KCNIP4: variants seen among roughly 807,000 people sequenced by gnomAD.
KCNIP4 encodes potassium voltage-gated channel interacting protein 4, also known as Kv channel-interacting protein 4.
KCNIP4 carries 12 observed loss-of-function variants against 34.0 expected under a neutral mutation model. The ratio of observed to expected loss-of-function variants is 0.35; its 90% CI spans 0.23 to 0.57. KCNIP4 has a LOEUF of 0.57. KCNIP4 is among the 20% of genes least tolerant of loss of function. The probability of loss-of-function intolerance (pLI) is 0.83; values close to 1 mark genes in which losing one functional copy is unlikely to be tolerated. For missense variants in KCNIP4, 238 were observed against 311.7 expected, an observed-to-expected ratio of 0.76 and a Z score of 1.78; for synonymous variants, 124 against 102.2, an observed-to-expected ratio of 1.21 and a Z score of -1.29.
At chr4:20,731,709 CAT>C in intron 8 of KCNIP4, 6 of 985,254 alleles carry the variant, frequency 6.1e-6, no homozygotes, top group Non-Finnish European at 7.2e-6. Flanking sequence ...ATTCAAATCT[CAT>C]GTATGTTTTA....
chr4:21,559,740 C>G (rs1188544523), intron 1 of KCNIP4, among the ~76,000 whole-genome samples: 1 of 151,986 alleles, frequency 6.6e-6, no homozygotes, highest in East Asian at 1.9e-4. Context: ...AATGAGAAAA[C>G]CAAGAATTTG....
intron 1 of KCNIP4, among the ~76,000 whole-genome samples, chr4:21,594,351 C>T (rs60343263): frequency 4.9e-4 from 75 of 152,172 alleles, no homozygotes; most frequent in African/African-American, 1.7e-3. Flanking sequence ...AAGCAACCAA[C>T]GACAAATAAG....
At chr4:21,898,277 G>A (rs2109416027) in intron 1 of KCNIP4, among the ~76,000 whole-genome samples, 1 of 152,242 alleles carries the variant, frequency 6.6e-6, no homozygotes, top group South Asian at 2.1e-4. Context: ...GTCTTGGGAT[G>A]CACATGACCT....
Position 21,015,957 on chromosome 4 carries a change from G to C in KCNIP4, c.62-133248C>G, listed in dbSNP as rs890302716. Among the ~76,000 whole-genome samples, 10 of 142,692 alleles carry C rather than the reference G, an allele frequency of 7.0e-5. No individual in the cohort carries two copies. The Admixed American group carries it at 7.2e-4, about 10-fold the overall frequency. 93.6% of individuals were successfully genotyped at this position (142,692 alleles called of 152,430 possible). A position where few individuals can be genotyped will look rare whatever the true frequency, so the allele number is the denominator to read the frequency against. On this transcript the variant is annotated intron_variant, in intron 1 of 8. Coordinates refer to ENST00000382152, the MANE Select transcript of KCNIP4 (RefSeq NM_025221.6). ...TTTTTTTTATATATTAAAAAAGAGA[G>C]AAAGCTTACGGCATGTCAGGTACTA... is the stretch of plus-strand genomic sequence containing the variant.
chr4:21,729,372 A>G (rs2109108318), intron 1 of KCNIP4, among the ~76,000 whole-genome samples: 1 of 152,302 alleles, frequency 6.6e-6, no homozygotes, highest in East Asian at 1.9e-4. Flanking sequence ...TACTTAGAAT[A>G]GATGCCACTA....
chr4:21,673,599 A>G (rs1306786039), intron 1 of KCNIP4, among the ~76,000 whole-genome samples: 1 of 152,174 alleles, frequency 6.6e-6, no homozygotes, highest in Non-Finnish European at 1.5e-5. Context: ...AATTTAATTT[A>G]CACTTTTCTG....
intron 1 of KCNIP4, among the ~76,000 whole-genome samples, chr4:21,288,678 G>T (rs1304835870): frequency 2.6e-5 from 4 of 152,122 alleles, no homozygotes; most frequent in Non-Finnish European, 5.9e-5. Flanking sequence ...CTTGGGCCTG[G>T]GTTCAAATTC....
At position 21,258,404 on chromosome 4, in the gene KCNIP4, G is replaced by A. The variant is rs117623787; in HGVS notation, c.62-375695C>T. On this transcript the variant is annotated intron_variant, in intron 1 of 8. Transcript: ENST00000382152. ...AATTTACTTTATCATGTATGTACGC[G>A]TGGAAACCAGAATACTACGTGACCC... is the stretch of plus-strand genomic sequence containing the variant. 8.2e-4 allele frequency among the ~76,000 whole-genome samples: 125 copies of A among 152,232 alleles called. 3 individuals carry two copies. The East Asian group carries it at 0.022, about 27-fold the overall frequency.
At chr4:21,559,222 G>T (rs1739319183) in intron 1 of KCNIP4, among the ~76,000 whole-genome samples, 1 of 151,970 alleles carries the variant, frequency 6.6e-6, no homozygotes, top group Non-Finnish European at 1.5e-5. Context: ...CAAATAAATT[G>T]GGGAAATAAT....
At chr4:20,889,325 C>A (rs1725664307) in intron 1 of KCNIP4, among the ~76,000 whole-genome samples, 1 of 152,086 alleles carries the variant, frequency 6.6e-6, no homozygotes, top group South Asian at 2.1e-4. Context: ...GACTATAATT[C>A]TTGTACATTA....
chr4:21,925,987 G>A (rs1729225824), intron 1 of KCNIP4, among the ~76,000 whole-genome samples: 1 of 152,064 alleles, frequency 6.6e-6, no homozygotes, highest in Non-Finnish European at 1.5e-5. Context: ...TTCAGAAAGG[G>A]CATTATCATC....
In KCNIP4 at chr4:20,768,079, C is replaced by T. The variant is rs184874757; in HGVS notation, c.289-9189G>A. Reference sequence around the variant, plus strand: ...TCAAAATTTAAATGACACAATCCTACAACCTGTGCTGCTGATATCACCAGA... The same window carrying T: ...TCAAAATTTAAATGACACAATCCTATAACCTGTGCTGCTGATATCACCAGA... On this transcript the variant is annotated intron_variant, in intron 3 of 8. Transcript: ENST00000382152. 4.6e-5 allele frequency among the ~76,000 whole-genome samples: 7 copies of T among 152,334 alleles called. 1 individual carries two copies. Among genetic ancestry groups the T allele is most frequent in the Admixed American group, 3.3e-4 (5 of 15,302 alleles).
Position 20,996,492 on chromosome 4 carries a change from G to T in KCNIP4, c.62-113783C>A, listed in dbSNP as rs997387411. Among the ~76,000 whole-genome samples, 13 of 152,184 alleles carry T rather than the reference G, an allele frequency of 8.5e-5. No homozygotes were observed. In the East Asian group the frequency reaches 2.5e-3, roughly 29 times the overall value. ...TCTTTCGATTTATTAAATAAACTAA[G>T]ACTATCCCTGCCACTGGTCTTTGTA... is the stretch of plus-strand genomic sequence containing the variant. On this transcript the variant is annotated intron_variant, in intron 1 of 8. Coordinates refer to ENST00000382152, the MANE Select transcript of KCNIP4 (RefSeq NM_025221.6).
intron 1 of KCNIP4, among the ~76,000 whole-genome samples, chr4:21,285,775 A>C (rs1435284120): frequency 2.0e-5 from 3 of 152,182 alleles, no homozygotes; most frequent in Non-Finnish European, 2.9e-5. Context: ...CAGGAGGCAG[A>C]GGTTGCACTC....
intron 1 of KCNIP4, among the ~76,000 whole-genome samples, chr4:20,963,336 A>C (rs1734034745): frequency 6.9e-6 from 1 of 145,784 alleles, no homozygotes; most frequent in African/African-American, 2.8e-5. Context: ...CAAAAAACAA[A>C]AAAAAAAACA....
At chr4:20,770,455 T>C (rs1181779997) in intron 3 of KCNIP4, among the ~76,000 whole-genome samples, 1 of 146,886 alleles carries the variant, frequency 6.8e-6, no homozygotes, top group Non-Finnish European at 1.5e-5. Context: ...TGGCATGATA[T>C]CAGCCTAATA....
intron 2 of KCNIP4, among the ~76,000 whole-genome samples, chr4:20,866,913 C>G (rs1043854988): frequency 6.6e-6 from 1 of 151,886 alleles, no homozygotes; most frequent in African/African-American, 2.4e-5. Flanking sequence ...TTACAATATT[C>G]ACAAAGAAAA....
intron 1 of KCNIP4, among the ~76,000 whole-genome samples, chr4:21,751,531 T>C (rs1290995198): frequency 6.6e-6 from 1 of 152,158 alleles, no homozygotes; most frequent in African/African-American, 2.4e-5. Flanking sequence ...GATTTGAAAA[T>C]TGCTGACAAT....
chr4:21,295,249 C>T (rs2109222455), intron 1 of KCNIP4, among the ~76,000 whole-genome samples: 1 of 152,174 alleles, frequency 6.6e-6, no homozygotes, highest in African/African-American at 2.4e-5. Flanking sequence ...GCAGTTGTTT[C>T]ATATAAAGGA....
Sources: gnomAD v4.1 joint callset for allele counts (sites outside exome capture counted in the v4.1 genomes callset) on GRCh38, gnomAD v4.1.1 for gene constraint, MANE v1.5 for transcripts, NCBI Gene and HGNC (gene_info 2026-07-23, HGNC 2026-07-21) for gene names.